The following MORF4L1 variants were observed in gnomAD, a reference collection of about 807,000 sequenced individuals.
The protein encoded by MORF4L1 is mortality factor 4 like 1.
In MORF4L1, 4 loss-of-function variants were observed where a neutral mutation model predicts 52.9. The observed-to-expected ratio is 0.08, with a 90% CI of 0.04 to 0.17. The LOEUF is 0.17. Among genes scored for constraint, MORF4L1 ranks in the 10% least tolerant of loss-of-function variants. The pLI is 1.00. For synonymous variants in MORF4L1, 123 were observed against 134.8 expected (o/e 0.91, Z 0.61); for missense variants, 214 against 390.4 (o/e 0.55, Z 3.81).
chr15:78,878,359 G>A (rs1320467913), intron 2 of MORF4L1, 100 bp downstream of exon 2: 3 of 1,030,144 alleles, frequency 2.9e-6, no homozygotes, highest in Non-Finnish European at 4.2e-6. Context: ...CTCAGTAAGA[G>A]AGTTGCCTTT....
chr15:78,877,121 T>A (rs1037842751), intron 1 of MORF4L1, among the ~76,000 whole-genome samples: 5 of 141,162 alleles, frequency 3.5e-5, no homozygotes, highest in African/African-American at 1.1e-4. Flanking sequence ...TGATTTTTTT[T>A]TTTTTTTTTT....
intron 3 of MORF4L1, among the ~76,000 whole-genome samples, chr15:78,883,210 GGAA>G (rs1193734992): frequency 2.6e-5 from 1 of 38,850 alleles, no homozygotes; most frequent in African/African-American, 6.9e-5. Context: ...GTGAGACTCA[GGAA>G]AAAAAAAAAA....
chr15:78,879,263 C>T (rs1305322403), intron 2 of MORF4L1, among the ~76,000 whole-genome samples: 1 of 152,098 alleles, frequency 6.6e-6, no homozygotes, highest in Non-Finnish European at 1.5e-5. Flanking sequence ...GCTCTGTCGC[C>T]CAGGCTGGAG....
Position 78,887,369 on chromosome 15 carries a change from GATTTTGCATACT to G in MORF4L1, c.323+23_323+34del. 1 of 1,586,002 alleles carries G rather than the reference GATTTTGCATACT, an allele frequency of 6.3e-7. No homozygotes were observed. Among genetic ancestry groups the G allele is most frequent in the Non-Finnish European group, 8.6e-7 (1 of 1,162,860 alleles). ...TGAAGTGTAAGAAGCTCTTTGTTTT[GATTTTGCATACT>G]ATATGTGAAGATAATATTTTATGTT... is the stretch of plus-strand genomic sequence containing the variant. On this transcript the variant is annotated intron_variant, in intron 5 of 11. Transcript: ENST00000426013.
chr15:78,880,956 T>C (rs2056591297), intron 3 of MORF4L1, among the ~76,000 whole-genome samples: 1 of 151,860 alleles, frequency 6.6e-6, no homozygotes, highest in African/African-American at 2.4e-5. Flanking sequence ...ATATATGTTA[T>C]TTCAAGCAGC....
intron 3 of MORF4L1, chr15:78,885,165 A>C (rs2056678199): frequency 6.2e-6 from 7 of 1,132,784 alleles, no homozygotes; most frequent in Middle Eastern, 2.1e-4. Flanking sequence ...TGTATTATAT[A>C]AGAGGTCAGA....
In MORF4L1 at chr15:78,894,173, C is replaced by T; in HGVS notation, c.745C>T (p.His249Tyr). The T allele has an allele frequency of 6.2e-7, 1 of 1,614,010 alleles. No homozygotes were observed. The highest frequency in any genetic ancestry group is 8.5e-7 in the Non-Finnish European group (1 of 1,179,974). ...RPQYAEILAD[H>Y]PDAPMSQVYG... ...ACAGTATGCTGAAATTCTTGCAGAT[C>T]ATCCCGATGCACCCATGTCCCAGGT... Residue 249 changes from histidine to tyrosine, a missense_variant, in exon 10 of 12, where the codon CAT becomes TAT. Around this residue, in one of 5 missense-constraint regions of MORF4L1, gnomAD observed 68 missense variants for 171.6 expected, o/e 0.40. Transcript: ENST00000426013.
intron 1 of MORF4L1, chr15:78,876,621 A>G (rs1258282340): frequency 4.4e-6 from 2 of 455,802 alleles, no homozygotes; most frequent in Admixed American, 2.4e-5. Flanking sequence ...AAAATGTACC[A>G]GGAGAGTGAA....
Position 78,887,382 on chromosome 15 carries a change from A to G in MORF4L1, c.323+33A>G, listed in dbSNP as rs761484613. 1.3e-5 allele frequency: 20 copies of G among 1,536,664 alleles called. No homozygotes were observed. In the East Asian group the frequency reaches 2.5e-4, roughly 19 times the overall value. ...GCTCTTTGTTTTGATTTTGCATACT[A>G]TATGTGAAGATAATATTTTATGTTC... On this transcript the variant is annotated intron_variant, in intron 5 of 11. Transcript: ENST00000426013.
intron 1 of MORF4L1, among the ~76,000 whole-genome samples, chr15:78,875,766 A>G (rs1299183105): frequency 1.6e-5 from 2 of 128,812 alleles, no homozygotes; most frequent in South Asian, 3.1e-4. Context: ...AGCCTGGGCC[A>G]CAGAGTGAGA....
At chr15:78,894,700 G>T (rs1473396627) in intron 10 of MORF4L1, 120 bp from the exon 11 acceptor site, 5 of 790,088 alleles carry the variant, frequency 6.3e-6, no homozygotes, top group African/African-American at 3.4e-5. Context: ...GAGCCACTAT[G>T]CCCGGCCTAA....
intron 5 of MORF4L1, chr15:78,890,567 G>GGCCT (rs1378529580): frequency 6.6e-6 from 1 of 152,438 alleles, no homozygotes; most frequent in Non-Finnish European, 1.5e-5. Context: ...CTGCAGCCTT[G>GGCCT]GCCTCCTGGG....
At chr15:78,892,105 G>T in intron 7 of MORF4L1, 107 bp from the exon 8 acceptor site, 220 of 570,854 alleles carry the variant, frequency 3.9e-4, no homozygotes, top group Non-Finnish European at 4.6e-4. Context: ...CTGTATGCTT[G>T]GCTACTTTAA....
At chr15:78,883,637 A>G (rs1392349720) in intron 3 of MORF4L1, among the ~76,000 whole-genome samples, 1 of 152,236 alleles carries the variant, frequency 6.6e-6, no homozygotes, top group East Asian at 1.9e-4. Context: ...AAGAAAAAAT[A>G]GCATCAAATA....
intron 1 of MORF4L1, 89 bp downstream of exon 1, chr15:78,873,146 G>T: frequency 6.5e-7 from 1 of 1,542,070 alleles, no homozygotes; most frequent in African/African-American, 1.4e-5. Context: ...GCCGGGGGCG[G>T]CGCGGGCTGC....
chr15:78,878,033 A>G, intron 1 of MORF4L1, 180 bp from the exon 2 acceptor site: 1 of 481,574 alleles, frequency 2.1e-6, no homozygotes, highest in Non-Finnish European at 3.6e-6. Flanking sequence ...ATCGGATACC[A>G]ACGTGTTTTT....
At chr15:78,888,115 G>A (rs2056738053) in intron 5 of MORF4L1, among the ~76,000 whole-genome samples, 1 of 151,854 alleles carries the variant, frequency 6.6e-6, no homozygotes, top group East Asian at 2.0e-4. Flanking sequence ...TAGAACATCT[G>A]ATAAGAAGCC....
At chr15:78,877,638 C>T (rs59735519) in intron 1 of MORF4L1, 19,712 of 152,196 alleles carry the variant, frequency 0.13, 1,349 homozygotes, top group East Asian at 0.26. Context: ...CTGTTACGTT[C>T]CAAAGGTTAG....
chr15:78,883,079 G>C (rs1395606209), intron 3 of MORF4L1, among the ~76,000 whole-genome samples: 1 of 152,010 alleles, frequency 6.6e-6, no homozygotes, highest in Non-Finnish European at 1.5e-5. Flanking sequence ...GCCAGGTGTG[G>C]TGGCACACGA....
Sources: gnomAD v4.1 joint callset for allele counts (sites outside exome capture counted in the v4.1 genomes callset) on GRCh38, gnomAD v4.1.1 for gene constraint, gnomAD v4.1.1 regional missense constraint, MANE v1.5 for transcripts, NCBI Gene and HGNC (gene_info 2026-07-23, HGNC 2026-07-21) for gene names.